RABL2B: variants seen among roughly 807,000 people sequenced by gnomAD.
RABL2B encodes the protein RAB, member of RAS oncogene family like 2B.
RABL2B carries 17 observed loss-of-function variants against 26.7 expected under a neutral mutation model. The ratio of observed to expected loss-of-function variants is 0.64; its 90% CI spans 0.44 to 0.95. RABL2B has a LOEUF of 0.95. Ranked by LOEUF, RABL2B falls within the 40% of genes least tolerant of loss-of-function variation. The pLI is 0.00. For missense variants in RABL2B, 170 were observed against 277.2 expected, an observed-to-expected ratio of 0.61 and a Z score of 2.75; for synonymous variants, 70 against 103.9, an observed-to-expected ratio of 0.67 and a Z score of 1.99.
chr22:50,778,003 T>G (rs1555925677), intron 2 of RABL2B, 22 bp from the exon 3 acceptor site: 10 of 1,613,984 alleles, frequency 6.2e-6, no homozygotes, highest in Non-Finnish European at 8.5e-6. Flanking sequence ...ACAGGCAAGG[T>G]GGTCAGATGG....
Position 50,768,903 on chromosome 22 carries a change from G to A in RABL2B, c.592-29C>T, listed in dbSNP as rs1555915974. On this transcript the variant is annotated intron_variant, in intron 8 of 8. Coordinates refer to ENST00000691320, the MANE Select transcript of RABL2B (RefSeq NM_001130919.3). ...TGAACAAGGTCGCAGGTGAGGCCTG[G>A]CCCTGCATTTGCTCAACCGCAGCTC... The A allele has an allele frequency of 1.1e-5, 17 of 1,605,716 alleles. No individual in the cohort carries two copies. The South Asian group carries it at 1.7e-4, about 16-fold the overall frequency.
intron 5 of RABL2B, among the ~76,000 whole-genome samples, chr22:50,775,459 C>T (rs2084834869): frequency 6.6e-6 from 1 of 152,162 alleles, no homozygotes; most frequent in Non-Finnish European, 1.5e-5. Context: ...GCTTGTCTGA[C>T]AGGTTAGGTC....
intron 7 of RABL2B, 22 bp downstream of exon 7, chr22:50,769,433 C>G (rs782327033): frequency 6.2e-7 from 1 of 1,611,524 alleles, no homozygotes; most frequent in East Asian, 2.2e-5. Flanking sequence ...ACCTTGCTAG[C>G]TACCTCTGCA....
chr22:50,774,150 C>T (rs1228102686), intron 5 of RABL2B, among the ~76,000 whole-genome samples: 3 of 152,240 alleles, frequency 2.0e-5, no homozygotes, highest in African/African-American at 7.2e-5. Flanking sequence ...CCGCCTCGGC[C>T]TCCCAAAGTG....
Position 50,770,025 on chromosome 22 carries a change from G to C in RABL2B, c.298-9C>G. 6.2e-7 allele frequency: 1 copy of C among 1,613,790 alleles called. No homozygotes were observed. The highest frequency in any genetic ancestry group is 1.7e-5 in the Admixed American group (1 of 59,988). ...CTCTGTACATCAAACACCTGCAAAGGGCAGAGGAAGAAAGATAGCTCAGGT... is the reference window on the plus strand; with the variant it reads ...CTCTGTACATCAAACACCTGCAAAGCGCAGAGGAAGAAAGATAGCTCAGGT... On this transcript the variant is annotated splice_polypyrimidine_tract_variant and intron_variant, in intron 5 of 8. Coordinates refer to ENST00000691320, the MANE Select transcript of RABL2B (RefSeq NM_001130919.3).
intron 5 of RABL2B, chr22:50,771,102 G>C (rs541711707): frequency 8.9e-4 from 135 of 151,224 alleles, no homozygotes; most frequent in African/African-American, 3.2e-3. Context: ...GAGTGTGGTG[G>C]CATAATCTCA....
At chr22:50,778,679 C>T (rs2085347375) in intron 2 of RABL2B, among the ~76,000 whole-genome samples, 1 of 147,938 alleles carries the variant, frequency 6.8e-6, no homozygotes, top group Non-Finnish European at 1.5e-5. Context: ...GCCATTTCCT[C>T]CTTTTGTTGT....
At chr22:50,780,455 C>T (rs2085647684) in intron 2 of RABL2B, among the ~76,000 whole-genome samples, 1 of 141,644 alleles carries the variant, frequency 7.1e-6, no homozygotes, top group Non-Finnish European at 1.5e-5. Context: ...GGCTAGAGTG[C>T]AGTGGCGCAA....
chr22:50,776,538 G>C (rs1555924181), intron 4 of RABL2B, 132 bp downstream of exon 4: 2 of 1,328,642 alleles, frequency 1.5e-6, no homozygotes, highest in Non-Finnish European at 2.1e-6. Flanking sequence ...GTTCTCTCTA[G>C]CACCCCTTGT....
At chr22:50,772,904 G>C in intron 5 of RABL2B, 1 of 1,198,334 alleles carries the variant, frequency 8.3e-7, no homozygotes, top group Middle Eastern at 3.9e-4. Context: ...CAAGGTGGAG[G>C]GTCGAGCCCT....
At chr22:50,781,444 AG>A (rs1555929150) in intron 2 of RABL2B, among the ~76,000 whole-genome samples, 1 of 149,322 alleles carries the variant, frequency 6.7e-6, no homozygotes, top group East Asian at 2.0e-4. Flanking sequence ...AAATTCATGG[AG>A]ATGGCCTAAA....
intron 2 of RABL2B, among the ~76,000 whole-genome samples, chr22:50,778,328 C>A (rs1273647365): frequency 2.6e-5 from 4 of 151,500 alleles, no homozygotes; most frequent in Non-Finnish European, 4.4e-5. Context: ...AAAGCCATTT[C>A]CCGGTCGGGC....
chr22:50,770,720 A>AGAG (rs1226857726), intron 5 of RABL2B, among the ~76,000 whole-genome samples: 3 of 151,844 alleles, frequency 2.0e-5, no homozygotes, highest in African/African-American at 7.3e-5. Flanking sequence ...AAATGTTTCT[A>AGAG]GAGTTTTACT....
rs1403666256 is a variant in RABL2B at position 50,783,506 on chromosome 22, G to T, written c.-59C>A. 2.0e-5 allele frequency: 3 copies of T among 152,196 alleles called. No individual in the cohort carries two copies. Among genetic ancestry groups the T allele is most frequent in the Non-Finnish European group, 4.4e-5 (3 of 68,010 alleles). 9.4% of individuals were successfully genotyped at this position (152,196 alleles called of 1,614,324 possible). On this transcript the variant is annotated 5_prime_UTR_variant, in exon 1 of 9. Transcript: ENST00000691320. ...CGGGGCGGATTTGCCCTCACGTGCG[G>T]TTCCGAGTGAGGGCTGGAGAGACCA...
chr22:50,776,959 G>A (rs1394592841), intron 3 of RABL2B, among the ~76,000 whole-genome samples: 1 of 152,202 alleles, frequency 6.6e-6, no homozygotes, highest in Non-Finnish European at 1.5e-5. Flanking sequence ...GGGAGGAGAT[G>A]GGAGTGTGTC....
At chr22:50,775,339 G>A (rs563710075) in intron 5 of RABL2B, among the ~76,000 whole-genome samples, 9 of 152,280 alleles carry the variant, frequency 5.9e-5, no homozygotes, top group African/African-American at 2.2e-4. Flanking sequence ...GGGGGGAGGC[G>A]AGGGGCTGGC....
chr22:50,781,214 G>A (rs1445568781), intron 2 of RABL2B, among the ~76,000 whole-genome samples: 2 of 152,024 alleles, frequency 1.3e-5, no homozygotes, highest in Non-Finnish European at 2.9e-5. Context: ...TGTGGTGGCA[G>A]GCGCCTGTAG....
chr22:50,773,615 G>A (rs2084519213), intron 5 of RABL2B, among the ~76,000 whole-genome samples: 1 of 151,488 alleles, frequency 6.6e-6, no homozygotes, highest in African/African-American at 2.4e-5. Context: ...TTGAAGCAGG[G>A]CCTGAAAAAT....
intron 5 of RABL2B, among the ~76,000 whole-genome samples, chr22:50,773,304 A>G (rs2084461772): frequency 6.6e-6 from 1 of 152,156 alleles, no homozygotes; most frequent in Non-Finnish European, 1.5e-5. Context: ...GAATTTTTCA[A>G]GGGATTTTGT....
Sources: gnomAD v4.1 joint callset for allele counts (sites outside exome capture counted in the v4.1 genomes callset) on GRCh38, gnomAD v4.1.1 for gene constraint, MANE v1.5 for transcripts, NCBI Gene and HGNC (gene_info 2026-07-23, HGNC 2026-07-21) for gene names.